Variants in IL1RAPL2 observed in about 807,000 individuals in gnomAD.
IL1RAPL2 encodes X-linked interleukin-1 receptor accessory protein-like 2.
A neutral mutation model predicts 44.1 loss-of-function variants in IL1RAPL2; 3 were observed. The observed-to-expected ratio is 0.07, with a 90% CI of 0.03 to 0.18. IL1RAPL2 has a LOEUF of 0.18. Ranked by LOEUF, IL1RAPL2 falls within the 10% of genes least tolerant of loss-of-function variation. The pLI is 1.00. For synonymous variants in IL1RAPL2, 181 were observed against 178.8 expected, an observed-to-expected ratio of 1.01 and a Z score of -0.10; for missense variants, 391 against 496.4, an observed-to-expected ratio of 0.79 and a Z score of 2.02.
In IL1RAPL2 at chrX:105,357,006, A is replaced by C. The variant is rs141537572; in HGVS notation, c.697+89465A>C. Among the ~76,000 whole-genome samples the C allele has an allele frequency of 5.5e-4, 61 of 111,607 alleles. No homozygotes were observed. In the East Asian group the frequency reaches 0.014, roughly 25 times the overall value. Reference sequence around the variant, plus strand: ...GAAAAAATAGCTGGGAATAATACACATTTTGTCACCCTCAGCCACACTATG... The same window carrying C: ...GAAAAAATAGCTGGGAATAATACACCTTTTGTCACCCTCAGCCACACTATG... On this transcript the variant is annotated intron_variant, in intron 5 of 10. Transcript: ENST00000372582.
intron 2 of IL1RAPL2, among the ~76,000 whole-genome samples, chrX:104,888,709 G>T (rs1031228720): frequency 2.7e-5 from 3 of 111,081 alleles, no homozygotes; most frequent in Non-Finnish European, 5.7e-5. Flanking sequence ...TGCTTACGTT[G>T]CCACTCCCAT....
At chrX:104,766,945 G>T (rs1052698529) in intron 2 of IL1RAPL2, among the ~76,000 whole-genome samples, 1 of 112,134 alleles carries the variant, frequency 8.9e-6, no homozygotes, top group East Asian at 2.8e-4. Context: ...AGTGCTTAAG[G>T]TGTGACTTGG....
In IL1RAPL2 at chrX:104,894,153, G is replaced by A. The variant is rs761933554; in HGVS notation, c.82+235158G>A. ...GCTTATAGTTTCTGCCGAGACATCC[G>A]CTATTAGTTTGATGGGCTTCCCTTT... On this transcript the variant is annotated intron_variant, in intron 2 of 10. Transcript: ENST00000372582. Among the ~76,000 whole-genome samples the A allele has an allele frequency of 1.8e-3, 203 of 112,009 alleles. 1 individual carries two copies. Among genetic ancestry groups the A allele is most frequent in the African/African-American group, 4.9e-3 (152 of 30,823 alleles).
intron 2 of IL1RAPL2, among the ~76,000 whole-genome samples, chrX:104,908,597 A>C (rs1376981763): frequency 9.0e-6 from 1 of 111,547 alleles, no homozygotes; most frequent in Admixed American, 9.5e-5. Flanking sequence ...TTCTGGGTTG[A>C]AAATTCTTTT....
At chrX:105,636,200 A>C (rs183758789) in intron 6 of IL1RAPL2, among the ~76,000 whole-genome samples, 1 of 110,799 alleles carries the variant, frequency 9.0e-6, no homozygotes, top group Non-Finnish European at 1.9e-5. Flanking sequence ...AGAAAGAAGA[A>C]AGACATTTAT....
intron 2 of IL1RAPL2, among the ~76,000 whole-genome samples, chrX:105,055,618 G>A (rs764405203): frequency 3.6e-5 from 4 of 111,976 alleles, no homozygotes; most frequent in Non-Finnish European, 7.5e-5. Context: ...TCATCCCATT[G>A]GCTATTTTAT....
chrX:105,759,485 A>T (rs754811753), intron 10 of IL1RAPL2, among the ~76,000 whole-genome samples: 1 of 112,177 alleles, frequency 8.9e-6, no homozygotes, highest in African/African-American at 3.2e-5. Flanking sequence ...CATTCAAGAA[A>T]TACACTAGAA....
At chrX:105,400,789 C>G (rs1051312818) in intron 5 of IL1RAPL2, among the ~76,000 whole-genome samples, 2 of 112,106 alleles carry the variant, frequency 1.8e-5, no homozygotes, top group Non-Finnish European at 3.8e-5. Context: ...GATTTTGAAG[C>G]AGCTACCGTG....
intron 2 of IL1RAPL2, among the ~76,000 whole-genome samples, chrX:104,821,276 G>T (rs898846602): frequency 9.1e-6 from 1 of 109,702 alleles, no homozygotes; most frequent in Non-Finnish European, 1.9e-5. Context: ...CTTAAGTTCC[G>T]CGATACATGC....
intron 3 of IL1RAPL2, among the ~76,000 whole-genome samples, chrX:105,228,515 C>A (rs1890465758): frequency 9.0e-6 from 1 of 111,501 alleles, no homozygotes; most frequent in Non-Finnish European, 1.9e-5. Flanking sequence ...CCCAGAGAAC[C>A]CAAGATTGAT....
intron 2 of IL1RAPL2, among the ~76,000 whole-genome samples, chrX:104,965,743 A>G (rs1302886231): frequency 8.9e-6 from 1 of 111,885 alleles, no homozygotes; most frequent in Non-Finnish European, 1.9e-5. Context: ...AAATGGTGAG[A>G]TATATTTGCA....
intron 5 of IL1RAPL2, among the ~76,000 whole-genome samples, chrX:105,369,734 T>C (rs1464725832): frequency 2.7e-5 from 3 of 111,155 alleles, no homozygotes; most frequent in Non-Finnish European, 5.7e-5. Context: ...AGCTATTTGA[T>C]TTAGGAGTGA....
chrX:104,762,034 G>T (rs1184656204), intron 2 of IL1RAPL2, among the ~76,000 whole-genome samples: 1 of 102,733 alleles, frequency 9.7e-6, no homozygotes, highest in African/African-American at 3.5e-5. Flanking sequence ...GTCTCACTCT[G>T]TCACCCAGGC....
intron 6 of IL1RAPL2, among the ~76,000 whole-genome samples, chrX:105,559,868 C>T (rs1225358490): frequency 9.0e-6 from 1 of 111,572 alleles, no homozygotes; most frequent in Admixed American, 9.5e-5. Context: ...ATTTTGTCAC[C>T]TGGGCACTGA....
intron 5 of IL1RAPL2, among the ~76,000 whole-genome samples, chrX:105,423,500 C>A (rs190950006): frequency 1.8e-4 from 20 of 111,164 alleles, no homozygotes; most frequent in Admixed American, 4.8e-4. Flanking sequence ...GACTTTGTTA[C>A]CCATAATTTG....
At chrX:105,304,344 T>C (rs932498580) in intron 5 of IL1RAPL2, among the ~76,000 whole-genome samples, 4 of 112,571 alleles carry the variant, frequency 3.6e-5, no homozygotes, top group African/African-American at 1.3e-4. Flanking sequence ...GTGGAGATCA[T>C]TGATTAGCTG....
chrX:104,894,633 C>A (rs1165601755), intron 2 of IL1RAPL2, among the ~76,000 whole-genome samples: 1 of 112,029 alleles, frequency 8.9e-6, no homozygotes, highest in Admixed American at 9.5e-5. Flanking sequence ...TTTTTCAGCT[C>A]CATCAGGTCA....
At chrX:105,345,455 T>C (rs1053454816) in intron 5 of IL1RAPL2, among the ~76,000 whole-genome samples, 10 of 111,822 alleles carry the variant, frequency 8.9e-5, no homozygotes, top group Non-Finnish European at 1.9e-4. Context: ...CGTGTTAATA[T>C]GAAGCCCTCC....
intron 2 of IL1RAPL2, among the ~76,000 whole-genome samples, chrX:104,711,518 A>C (rs1931455860): frequency 9.0e-6 from 1 of 110,621 alleles, no homozygotes; most frequent in South Asian, 3.8e-4. Context: ...TCATTAATGC[A>C]TGTATGTATA....
Sources: allele counts gnomAD v4.1 joint callset (sites outside exome capture counted in the v4.1 genomes callset), GRCh38; gene constraint gnomAD v4.1.1; transcripts MANE v1.5; gene names NCBI Gene and HGNC (gene_info 2026-07-23, HGNC 2026-07-21).